Variants in FOXP1 observed in about 807,000 individuals in gnomAD.
FOXP1 encodes the protein forkhead box protein P1.
Under a neutral mutation model 98.2 loss-of-function variants are expected in FOXP1, and 15 were observed. The ratio of observed to expected loss-of-function variants is 0.15; its 90% CI spans 0.10 to 0.24. FOXP1 has a LOEUF of 0.24. Ranked by LOEUF, FOXP1 falls within the 10% of genes least tolerant of loss-of-function variation. FOXP1 has a pLI of 1.00. For missense variants in FOXP1, 633 were observed against 848.5 expected, an observed-to-expected ratio of 0.75 and a Z score of 3.15; for synonymous variants, 371 against 314.5, an observed-to-expected ratio of 1.18 and a Z score of -1.90.
At chr3:71,390,614 T>A (rs976004779) in intron 3 of FOXP1, among the ~76,000 whole-genome samples, 1 of 151,962 alleles carries the variant, frequency 6.6e-6, no homozygotes, top group Non-Finnish European at 1.5e-5. Flanking sequence ...AAGAATTCTA[T>A]AGGAAGAGAA....
chr3:71,042,467 C>T (rs2048479783), intron 10 of FOXP1, among the ~76,000 whole-genome samples: 1 of 152,144 alleles, frequency 6.6e-6, no homozygotes, highest in Admixed American at 6.6e-5. Flanking sequence ...TATTCTAGCC[C>T]ACACATGCAC....
At chr3:71,499,647 T>TA (rs770510707) in intron 2 of FOXP1, among the ~76,000 whole-genome samples, 2 of 152,232 alleles carry the variant, frequency 1.3e-5, no homozygotes, top group African/African-American at 2.4e-5. Flanking sequence ...TCTAATCTGT[T>TA]ACACAACCTG....
chr3:71,545,581 A>G (rs545631905), intron 2 of FOXP1, among the ~76,000 whole-genome samples: 4 of 152,196 alleles, frequency 2.6e-5, no homozygotes, highest in Non-Finnish European at 4.4e-5. Flanking sequence ...AGAACATTAT[A>G]TGCTCCTTAA....
At chr3:71,407,669 T>C (rs2082444278) in intron 3 of FOXP1, among the ~76,000 whole-genome samples, 2 of 152,178 alleles carry the variant, frequency 1.3e-5, no homozygotes, top group East Asian at 3.9e-4. Flanking sequence ...TGCGTGTGTG[T>C]GTGTGTGTGT....
chr3:71,425,203 C>T (rs2084042836), intron 3 of FOXP1, among the ~76,000 whole-genome samples: 1 of 152,120 alleles, frequency 6.6e-6, no homozygotes, highest in African/African-American at 2.4e-5. Context: ...GTAGCATTCA[C>T]CTCCCAGGTT....
intron 3 of FOXP1, among the ~76,000 whole-genome samples, chr3:71,420,576 T>C (rs1014963396): frequency 6.6e-6 from 1 of 152,022 alleles, no homozygotes; most frequent in African/African-American, 2.4e-5. Flanking sequence ...TACACAAACA[T>C]AGTCACACAT....
At chr3:71,473,308 G>A (rs2089523610) in intron 3 of FOXP1, among the ~76,000 whole-genome samples, 1 of 152,094 alleles carries the variant, frequency 6.6e-6, no homozygotes, top group Non-Finnish European at 1.5e-5. Flanking sequence ...ACATTCTCCA[G>A]TACTATGGCC....
intron 14 of FOXP1, 115 bp from the exon 15 acceptor site, chr3:70,978,144 A>AGAT (rs1377725182): frequency 1.5e-5 from 12 of 816,560 alleles, no homozygotes; most frequent in African/African-American, 1.2e-4. Context: ...TCCTCTATGT[A>AGAT]GATGGTATGT....
intron 6 of FOXP1, 86 bp downstream of exon 6, chr3:71,198,116 G>C: frequency 1.2e-6 from 2 of 1,611,532 alleles, no homozygotes; most frequent in African/African-American, 1.3e-5. Flanking sequence ...ACAAAACACT[G>C]ATCGCGAGAT....
At chr3:71,559,942 T>C (rs2046412651) in intron 2 of FOXP1, among the ~76,000 whole-genome samples, 2 of 152,182 alleles carry the variant, frequency 1.3e-5, no homozygotes, top group Admixed American at 1.3e-4. Context: ...TCTATTCTGC[T>C]GGAAATGCTT....
chr3:71,360,662 A>G (rs2078493118), intron 3 of FOXP1: 1 of 151,880 alleles, frequency 6.6e-6, no homozygotes, highest in African/African-American at 2.4e-5. Flanking sequence ...AAGGACTCTC[A>G]CTAATACAGA....
chr3:71,150,132 C>A (rs2060497272), intron 6 of FOXP1, among the ~76,000 whole-genome samples: 6 of 152,238 alleles, frequency 3.9e-5, no homozygotes, highest in Admixed American at 3.9e-4. Flanking sequence ...ATTCTTCCTT[C>A]TTTTCCTCTC....
chr3:71,107,971 C>G (rs1052608415), intron 7 of FOXP1, among the ~76,000 whole-genome samples: 1 of 152,134 alleles, frequency 6.6e-6, no homozygotes, highest in African/African-American at 2.4e-5. Flanking sequence ...AAAGGGCCGG[C>G]CTTCTAAGTG....
chr3:71,029,319 T>C (rs78286314), intron 11 of FOXP1, among the ~76,000 whole-genome samples: 1,758 of 152,252 alleles, frequency 0.012, 39 homozygotes, highest in African/African-American at 0.04. Flanking sequence ...ACAGCATTCA[T>C]TGTGTTAGAA....
chr3:71,121,673 C>T (rs997314898), intron 6 of FOXP1, among the ~76,000 whole-genome samples: 3 of 152,136 alleles, frequency 2.0e-5, no homozygotes, highest in Non-Finnish European at 2.9e-5. Flanking sequence ...GTTTAGCTCA[C>T]GAGAGCTGAC....
intron 2 of FOXP1, among the ~76,000 whole-genome samples, chr3:71,503,217 T>C (rs2041537964): frequency 6.6e-6 from 1 of 152,202 alleles, no homozygotes; most frequent in African/African-American, 2.4e-5. Context: ...AAATCTGTTT[T>C]CTAGAGAGTT....
chr3:71,323,211 C>A (rs931559560), intron 4 of FOXP1, among the ~76,000 whole-genome samples: 3 of 152,028 alleles, frequency 2.0e-5, no homozygotes, highest in African/African-American at 2.4e-5. Context: ...CCTCATGATC[C>A]GCCCGCCTCG....
chr3:71,581,429 C>G, intron 2 of FOXP1, 120 bp downstream of exon 2: 5 of 985,500 alleles, frequency 5.1e-6, no homozygotes, highest in Non-Finnish European at 6.0e-6. Flanking sequence ...TCCTCGCTCC[C>G]GGTGCCTTAT....
intron 11 of FOXP1, among the ~76,000 whole-genome samples, chr3:71,023,138 C>T (rs1472324010): frequency 6.6e-6 from 1 of 152,204 alleles, no homozygotes; most frequent in African/African-American, 2.4e-5. Flanking sequence ...ATCCGTCCAG[C>T]CAACATTTAT....
Sources: gnomAD v4.1 joint callset for allele counts (sites outside exome capture counted in the v4.1 genomes callset) on GRCh38, gnomAD v4.1.1 for gene constraint, MANE v1.5 for transcripts, NCBI Gene and HGNC (gene_info 2026-07-23, HGNC 2026-07-21) for gene names.